The following HECTD4 variants were observed in gnomAD, a reference collection of about 807,000 sequenced individuals.
HECTD4 encodes HECT domain E3 ubiquitin protein ligase 4.
Under a neutral mutation model 471.5 loss-of-function variants are expected in HECTD4, and 114 were observed. The observed-to-expected ratio is 0.24, with a 90% CI of 0.21 to 0.28. HECTD4 has a LOEUF of 0.28. Ranked by LOEUF, HECTD4 falls within the 10% of genes least tolerant of loss-of-function variation. The pLI, the probability that HECTD4 is intolerant of heterozygous loss-of-function variation, is 1.00. For synonymous variants in HECTD4, 2,012 were observed against 2,256.0 expected, an observed-to-expected ratio of 0.89 and a Z score of 3.07; for missense variants, 3,866 against 5,651.5, an observed-to-expected ratio of 0.68 and a Z score of 10.13.
At chr12:112,327,174 G>A (rs908951613) in intron 1 of HECTD4, among the ~76,000 whole-genome samples, 2 of 152,006 alleles carry the variant, frequency 1.3e-5, no homozygotes, top group African/African-American at 2.4e-5. Context: ...AAAATTAGCC[G>A]GGTGTGGTGG....
chr12:112,163,714 G>T lies in HECTD4; in HGVS notation c.12725C>A (p.Ala4242Glu). Residue 4242 changes from alanine to glutamate, a missense_variant, in exon 74 of 76, where the codon GCG (alanine) becomes GAG (glutamate). Ala to Glu is a moderately radical substitution (Grantham distance 107, BLOSUM62 -1). Around this residue, in one of 16 missense-constraint regions of HECTD4, gnomAD observed 715 missense variants for 1,087.6 expected, o/e 0.66. Transcript: ENST00000682272. The surrounding 1 kb of genome is among the most constrained non-coding windows in gnomAD (Gnocchi z 8.2). ...LVAWENKDIY[A>E]AAIRSLRLRE... ...CAGCCGCAGGCTCCGGATGGCTGCCGCGTAGATGTCCTTGTTCTCCCACCT... is the reference window on the plus strand; with the variant it reads ...CAGCCGCAGGCTCCGGATGGCTGCCTCGTAGATGTCCTTGTTCTCCCACCT... 6.7e-7 allele frequency: 1 copy of T among 1,490,618 alleles called. No homozygotes were observed. Among genetic ancestry groups the T allele is most frequent in the Non-Finnish European group, 8.9e-7 (1 of 1,118,852 alleles). 92.3% of individuals were successfully genotyped at this position (1,490,618 alleles called of 1,614,324 possible). A position where few individuals can be genotyped will look rare whatever the true frequency, so the allele number is the denominator to read the frequency against.
At chr12:112,265,792 G>A (rs1211941332) in intron 15 of HECTD4, 86 bp downstream of exon 15, 6 of 959,938 alleles carry the variant, frequency 6.3e-6, no homozygotes, top group African/African-American at 1.6e-5. Flanking sequence ...GTTATAACAG[G>A]AGACTAAAGT....
Position 112,163,722 on chromosome 12 carries a change from G to A in HECTD4, c.12717C>T (p.Asp4239=), listed in dbSNP as rs1192079713. The A allele has an allele frequency of 6.8e-6, 10 of 1,480,480 alleles. No individual in the cohort carries two copies. The highest frequency in any genetic ancestry group is 1.4e-5 in the African/African-American group (1 of 70,698). The allele number at this position is 1,480,480 out of a possible 1,614,324, so 91.7% of individuals were successfully genotyped here. The change falls in exon 74 of 76, where the codon GAC becomes GAT. Residue 4239 remains aspartate (D), a synonymous_variant. Transcript: ENST00000682272. This position sits in a 1 kb window ranked among gnomAD's most constrained non-coding sequence, Gnocchi z 8.2. The part of the protein sequence containing the change: ...RHILVAWENK[D]IYAAAIRSLR... ...GGCTCCGGATGGCTGCCGCGTAGAT[G>A]TCCTTGTTCTCCCACCTGCCCGGGT... is the stretch of plus-strand genomic sequence containing the variant.
chr12:112,279,333 T>A lies in HECTD4; in HGVS notation c.1582A>T (p.Thr528Ser). 1 of 1,612,518 alleles carries A rather than the reference T, an allele frequency of 6.2e-7. No individual in the cohort carries two copies. Residue 528 changes from threonine (T) to serine (S), a missense_variant, in exon 9 of 76, where the codon ACC (threonine) becomes TCC (serine). Physicochemically the swap from Thr to Ser is moderately conservative, Grantham distance 58. This residue lies in a region of HECTD4 where 525 missense variants were observed against 672.6 expected (regional missense o/e 0.78). Coordinates refer to ENST00000682272, the MANE Select transcript of HECTD4 (RefSeq NM_001388303.1). Reference protein sequence around the residue: ...LKMLRKTPIYTCGTYLVMLVP... With the variant: ...LKMLRKTPIYSCGTYLVMLVP... The stretch of plus-strand genomic sequence containing the variant: ...AGCATCACCAAGTAGGTGCCACAGG[T>A]ATATATGGGTGTCTTCCGCAGCATT...
intron 55 of HECTD4, among the ~76,000 whole-genome samples, chr12:112,198,792 T>C (rs2032326018): frequency 1.3e-5 from 2 of 152,198 alleles, no homozygotes; most frequent in Admixed American, 1.3e-4. Context: ...AGAACTGCCC[T>C]TGGTTAAGGT....
chr12:112,376,085 T>A lies in HECTD4; in HGVS notation c.177+5867A>T, dbSNP rs116451133. 7.3e-3 allele frequency among the ~76,000 whole-genome samples: 1,107 copies of A among 151,986 alleles called. 13 individuals are homozygous for A. The highest frequency in any genetic ancestry group is 0.024 in the African/African-American group (1,010 of 41,460). ...AGCAGGACTCCTGTCTAAAAAAAAATAATAATAAAAATTCCTATATGCCTT... is the reference window on the plus strand; with the variant it reads ...AGCAGGACTCCTGTCTAAAAAAAAAAAATAATAAAAATTCCTATATGCCTT... On this transcript the variant is annotated intron_variant, in intron 1 of 75. Coordinates refer to ENST00000682272, the MANE Select transcript of HECTD4 (RefSeq NM_001388303.1).
rs1358768934 is a variant in HECTD4 at position 112,173,941 on chromosome 12, TA to T, written c.11595-1081del. On this transcript the variant is annotated intron_variant, in intron 66 of 75. Transcript: ENST00000682272. This position sits in a 1 kb window ranked among gnomAD's most constrained non-coding sequence, Gnocchi z 4.3. ...TTTCTCAATTCTGAAAATGGATTTT[TA>T]AAAAAAGCATGTTTTGGTAGCCATT... Among the ~76,000 whole-genome samples, 1 of 151,698 alleles carries T rather than the reference TA, an allele frequency of 6.6e-6. No homozygotes were observed. The highest frequency in any genetic ancestry group is 1.5e-5 in the Non-Finnish European group (1 of 67,926).
Position 112,329,619 on chromosome 12 carries a change from C to G in HECTD4, c.178-9877G>C, listed in dbSNP as rs560676375. Among the ~76,000 whole-genome samples the G allele has an allele frequency of 2.2e-4, 34 of 152,226 alleles. 1 individual carries two copies. Among genetic ancestry groups the G allele is most frequent in the African/African-American group, 7.7e-4 (32 of 41,544 alleles). On this transcript the variant is annotated intron_variant, in intron 1 of 75. Transcript: ENST00000682272. ...CTGGCCTGAAGAGATCCGCCCACCT[C>G]GGCGTCCCAAAGTGCTGGAATTACA... is the stretch of plus-strand genomic sequence containing the variant.
intron 2 of HECTD4, 58 bp from the exon 3 acceptor site, chr12:112,314,604 T>G: frequency 1.1e-6 from 1 of 947,144 alleles, no homozygotes; most frequent in Non-Finnish European, 1.6e-6. Context: ...ATAATTTAGG[T>G]CATTAATGCT....
chr12:112,340,042 CAAA>C (rs1330584489), intron 1 of HECTD4, among the ~76,000 whole-genome samples: 1 of 112,604 alleles, frequency 8.9e-6, no homozygotes, highest in African/African-American at 3.3e-5. Context: ...GAGTGAGACT[CAAA>C]AAAAAAAAAA....
intron 34 of HECTD4, among the ~76,000 whole-genome samples, chr12:112,237,757 C>CT (rs200452557): frequency 0.019 from 2,665 of 142,218 alleles, 27 homozygotes; most frequent in Non-Finnish European, 0.029. Flanking sequence ...CCTGTCAGAC[C>CT]TTTTTTTTTT....
chr12:112,273,832 A>G (rs780267279), intron 10 of HECTD4, 37 bp from the exon 11 acceptor site: 2 of 1,607,372 alleles, frequency 1.2e-6, no homozygotes, highest in Non-Finnish European at 1.7e-6. Context: ...TCACCATGCC[A>G]CCAGCTACCT....
chr12:112,237,259 A>C (rs2033532586), intron 34 of HECTD4, among the ~76,000 whole-genome samples, 161 bp from the exon 35 acceptor site: 1 of 152,240 alleles, frequency 6.6e-6, no homozygotes, highest in Admixed American at 6.5e-5. Context: ...AAAAAGGATA[A>C]TAGTTATTTT....
intron 44 of HECTD4, 191 bp downstream of exon 44, chr12:112,226,452 C>T (rs1456973552): frequency 4.6e-6 from 2 of 438,448 alleles, no homozygotes; most frequent in African/African-American, 4.0e-5. Flanking sequence ...GATTTCCTAA[C>T]TGGTGTAGAT....
At chr12:112,370,359 A>G (rs1472340206) in intron 1 of HECTD4, among the ~76,000 whole-genome samples, 1 of 152,242 alleles carries the variant, frequency 6.6e-6, no homozygotes, top group Non-Finnish European at 1.5e-5. Flanking sequence ...TGTTGCCTTA[A>G]GCCACGAAAT....
chr12:112,265,582 C>G (rs2034250168), intron 15 of HECTD4, among the ~76,000 whole-genome samples: 1 of 152,144 alleles, frequency 6.6e-6, no homozygotes, highest in South Asian at 2.1e-4. Context: ...TCTCATAAAC[C>G]AGCAATTTGG....
In HECTD4 at chr12:112,267,139, T is replaced by A. The variant is rs567280195; in HGVS notation, c.2322-157A>T. The A allele has an allele frequency of 1.5e-5, 9 of 595,536 alleles. No homozygotes were observed. In the East Asian group the frequency reaches 2.3e-4, roughly 15 times the overall value. The allele number at this position is 595,536 out of a possible 1,614,324, so 36.9% of individuals were successfully genotyped here. On this transcript the variant is annotated intron_variant, in intron 13 of 75. Coordinates refer to ENST00000682272, the MANE Select transcript of HECTD4 (RefSeq NM_001388303.1). Reference sequence around the variant, plus strand: ...CATTGATCGCTGGGGTTGATTCGGCTGATCTGGCTGGCTAGGCAGGTGTGC... The same window carrying A: ...CATTGATCGCTGGGGTTGATTCGGCAGATCTGGCTGGCTAGGCAGGTGTGC...
intron 72 of HECTD4, 157 bp downstream of exon 72, chr12:112,167,160 G>A: frequency 1.7e-6 from 1 of 599,320 alleles, no homozygotes; most frequent in Middle Eastern, 4.0e-4. Context: ...CTGTCCCCAT[G>A]AAATAAGCCT....
chr12:112,247,057 C>A lies in HECTD4; in HGVS notation c.4357G>T (p.Val1453Leu). 3.1e-6 allele frequency: 5 copies of A among 1,606,926 alleles called. No homozygotes were observed. Among genetic ancestry groups the A allele is most frequent in the Non-Finnish European group, 4.2e-6 (5 of 1,177,054 alleles). Residue 1453 changes from valine to leucine, a missense_variant, in exon 29 of 76, where the codon GTG becomes TTG. This residue lies in a region of HECTD4 where 281 missense variants were observed against 499.9 expected (regional missense o/e 0.56). Coordinates refer to ENST00000682272, the MANE Select transcript of HECTD4 (RefSeq NM_001388303.1). ...GAGGGTTTCTGAATAAGAGAATTCACTTCTTGTAGGAACTTCTCCCTATAA... is the reference window on the plus strand; with the variant it reads ...GAGGGTTTCTGAATAAGAGAATTCAATTCTTGTAGGAACTTCTCCCTATAA... ...LSLREKFLQE[V>L]NSLIQKPSHP...
Sources: gnomAD v4.1 joint callset for allele counts (sites outside exome capture counted in the v4.1 genomes callset) on GRCh38, gnomAD v4.1.1 for gene constraint, gnomAD v4.1.1 regional missense constraint, Gnocchi (gnomAD v3.1) non-coding constraint, MANE v1.5 for transcripts, NCBI Gene and HGNC (gene_info 2026-07-23, HGNC 2026-07-21) for gene names.